F2: variants seen among roughly 807,000 people sequenced by gnomAD.
The protein encoded by F2 is prothrombin.
Under a neutral mutation model 81.9 loss-of-function variants are expected in F2, and 34 were observed. The observed-to-expected ratio is 0.42, with a 90% CI of 0.32 to 0.55. The LOEUF (loss-of-function observed/expected upper bound fraction) is 0.55, where lower values mean the gene tolerates loss of function less well. F2 is among the 20% of genes least tolerant of loss of function. F2 has a pLI of 0.18. For missense variants in F2, 630 were observed against 833.4 expected (o/e 0.76, Z 3.00); for synonymous variants, 296 against 326.4 (o/e 0.91, Z 1.01).
chr11:46,728,002 G>A lies in F2; in HGVS notation c.1137G>A (p.Val379=), dbSNP rs112119641. The A allele has an allele frequency of 1.2e-5, 19 of 1,609,776 alleles. No homozygotes were observed. Among genetic ancestry groups the A allele is most frequent in the African/African-American group, 1.1e-4 (8 of 74,930 alleles). Reference sequence around the variant, plus strand: ...TTCCTGCTGCCCCTCCCAGGCAGGTGATGCTTTTCCGGAAGAGTCCCCAGG... The same window carrying A: ...TTCCTGCTGCCCCTCCCAGGCAGGTAATGCTTTTCCGGAAGAGTCCCCAGG... The part of the protein sequence containing the change: ...DAEIGMSPWQ[V]MLFRKSPQEL... The change falls in exon 10 of 14, where the codon GTG becomes GTA. Residue 379 remains valine (V), a synonymous_variant. Transcript: ENST00000311907. The surrounding 1 kb of genome is among the most constrained non-coding windows in gnomAD (Gnocchi z 5.1).
At position 46,719,273 on chromosome 11, in the gene F2, T is replaced by C; in HGVS notation, c.38T>C (p.Leu13Pro). The C allele has an allele frequency of 6.2e-7, 1 of 1,613,700 alleles. No individual in the cohort carries two copies. ...CGAGGCTTGCAGCTGCCTGGCTGCC[T>C]GGCCCTGGCTGCCCTGTGTAGCCTT... ...HVRGLQLPGCLALAALCSLVH... is the reference protein window; with the variant it reads ...HVRGLQLPGCPALAALCSLVH... Residue 13 changes from leucine to proline, a missense_variant, in exon 1 of 14, where the codon CTG becomes CCG. Transcript: ENST00000311907. This position sits in a 1 kb window ranked among gnomAD's most constrained non-coding sequence, Gnocchi z 4.7.
chr11:46,727,770 C>A (rs1343453197), intron 9 of F2, among the ~76,000 whole-genome samples: 4 of 152,048 alleles, frequency 2.6e-5, no homozygotes, highest in African/African-American at 9.6e-5. Context: ...AAGAGTGAGA[C>A]CCTGTCTCAA....
intron 13 of F2, 38 bp from the exon 14 acceptor site, chr11:46,739,227 A>C: frequency 1.2e-6 from 2 of 1,613,708 alleles, no homozygotes; most frequent in Non-Finnish European, 1.7e-6. Flanking sequence ...TGTGACCTTG[A>C]ACTTGACTCT....
chr11:46,720,682 C>T, intron 3 of F2, 108 bp from the exon 4 acceptor site: 1 of 1,500,236 alleles, frequency 6.7e-7, no homozygotes, highest in Non-Finnish European at 9.3e-7. Flanking sequence ...TGGTCCCTCC[C>T]ATCTGTTCAT....
chr11:46,739,006 A>G (rs1319753791), intron 12 of F2, 42 bp from the exon 13 acceptor site: 1 of 1,607,870 alleles, frequency 6.2e-7, no homozygotes, highest in Non-Finnish European at 8.5e-7. Context: ...TGGCTGGGCT[A>G]TGAGCTATGC....
At chr11:46,733,815 G>A (rs944917961) in intron 12 of F2, among the ~76,000 whole-genome samples, 2 of 121,628 alleles carry the variant, frequency 1.6e-5, no homozygotes, top group Non-Finnish European at 3.2e-5. Flanking sequence ...TTGAGATGGA[G>A]TCTCCCTCTG....
chr11:46,719,797 G>T lies in F2; in HGVS notation c.175G>T (p.Glu59Ter). The T allele has an allele frequency of 6.3e-7, 1 of 1,595,168 alleles. No homozygotes were observed. The highest frequency in any genetic ancestry group is 8.5e-7 in the Non-Finnish European group (1 of 1,171,774). ...EEVRKGNLER[E>*]CVEETCSYEE... ...GGTGCGCAAGGGCAACCTGGAGCGA[G>T]AGTGCGTGGAGGAGACGTGCAGCTA... Residue 59 changes from glutamate to a stop codon, truncating the protein, a stop_gained, in exon 2 of 14, where the codon GAG becomes TAG. Coordinates refer to ENST00000311907, the MANE Select transcript of F2 (RefSeq NM_000506.5). LOFTEE classifies it high-confidence loss of function. This position sits in a 1 kb window ranked among gnomAD's most constrained non-coding sequence, Gnocchi z 4.7.
Position 46,737,963 on chromosome 11 carries a change from C to G in F2, c.1655-1085C>G, listed in dbSNP as rs180725012. On this transcript the variant is annotated intron_variant, in intron 12 of 13. Coordinates refer to ENST00000311907, the MANE Select transcript of F2 (RefSeq NM_000506.5). ...ATCCTCTTCTTGCTTCAGCCTCCCA[C>G]GTAGCTAGGATCAGAGGTACATGCC... Among the ~76,000 whole-genome samples, 5 of 151,790 alleles carry G rather than the reference C, an allele frequency of 3.3e-5. No individual in the cohort carries two copies. In the East Asian group the frequency reaches 9.7e-4, roughly 29 times the overall value.
At position 46,726,646 on chromosome 11, in the gene F2, A is replaced by AGGGGATGC. The variant is rs529938969; in HGVS notation, c.1003+25_1003+32dup. 8.1e-3 allele frequency: 13,066 copies of AGGGGATGC among 1,613,394 alleles called. 70 individuals carry two copies. The highest frequency in any genetic ancestry group is 0.01 in the Non-Finnish European group (11,912 of 1,179,332). On this transcript the variant is annotated intron_variant, in intron 8 of 13. Coordinates refer to ENST00000311907, the MANE Select transcript of F2 (RefSeq NM_000506.5). The surrounding 1 kb of genome is among the most constrained non-coding windows in gnomAD (Gnocchi z 5.9). The stretch of plus-strand genomic sequence containing the variant: ...AGGCAGGTGAGGTAGTGGGCATCCG[A>AGGGGATGC]GGGGATGCGGGGCTGCGGGGCTGGT...
chr11:46,726,090 A>G lies in F2; in HGVS notation c.791A>G (p.Asn264Ser), dbSNP rs766295603. ...AVQLVENFCRNPDGDEEGVWC... is the reference protein window; with the variant it reads ...AVQLVENFCRSPDGDEEGVWC... ...CAGCTGGTGGAGAACTTCTGCCGCAACCCAGACGGGGATGAGGAGGGCGTG... is the reference window on the plus strand; with the variant it reads ...CAGCTGGTGGAGAACTTCTGCCGCAGCCCAGACGGGGATGAGGAGGGCGTG... Residue 264 changes from asparagine to serine, a missense_variant, in exon 7 of 14, where the codon AAC becomes AGC. Coordinates refer to ENST00000311907, the MANE Select transcript of F2 (RefSeq NM_000506.5). This position sits in a 1 kb window ranked among gnomAD's most constrained non-coding sequence, Gnocchi z 5.9. 6.2e-7 allele frequency: 1 copy of G among 1,614,140 alleles called. No individual in the cohort carries two copies. Among genetic ancestry groups the G allele is most frequent in the African/African-American group, 1.3e-5 (1 of 75,032 alleles).
At position 46,723,396 on chromosome 11, in the gene F2, C is replaced by T. The variant is rs1414105952; in HGVS notation, c.437C>T (p.Thr146Ile). 1 of 1,614,070 alleles carries T rather than the reference C, an allele frequency of 6.2e-7. No individual in the cohort carries two copies. The highest frequency in any genetic ancestry group is 8.5e-7 in the Non-Finnish European group (1 of 1,179,996). ...TCCTGTTCCAGAATCAACTCCACTA[C>T]CCATCCTGGGGCCGACCTACAGGAG... Reference protein sequence around the residue: ...YPHKPEINSTTHPGADLQENF... With the variant: ...YPHKPEINSTIHPGADLQENF... Residue 146 changes from threonine (T) to isoleucine (I), a missense_variant, in exon 6 of 14, where the codon ACC (threonine) becomes ATC (isoleucine). Thr to Ile is a moderately conservative substitution (Grantham distance 89). Coordinates refer to ENST00000311907, the MANE Select transcript of F2 (RefSeq NM_000506.5). The surrounding 1 kb of genome is among the most constrained non-coding windows in gnomAD (Gnocchi z 5.6).
In F2 at chr11:46,728,569, G is replaced by A; in HGVS notation, c.1299-95G>A. 1 of 1,424,086 alleles carries A rather than the reference G, an allele frequency of 7.0e-7. No individual in the cohort carries two copies. The highest frequency in any genetic ancestry group is 9.9e-7 in the Non-Finnish European group (1 of 1,014,786). 88.2% of individuals were successfully genotyped at this position (1,424,086 alleles called of 1,614,324 possible). On this transcript the variant is annotated intron_variant, in intron 10 of 13. Transcript: ENST00000311907. This position sits in a 1 kb window ranked among gnomAD's most constrained non-coding sequence, Gnocchi z 5.1. ...CTATCCCCTCCCTGGTGGCCTGCAG[G>A]ACACACTGTCTCCCAGACCCCAAGG... is the stretch of plus-strand genomic sequence containing the variant.
chr11:46,727,751 C>T lies in F2; in HGVS notation c.1131-245C>T, dbSNP rs1346900201. ...TGTGACTGTACCATTGCACTCCAGC[C>T]TGGGTGACAAGAGTGAGACCCTGTC... On this transcript the variant is annotated intron_variant, in intron 9 of 13. Coordinates refer to ENST00000311907, the MANE Select transcript of F2 (RefSeq NM_000506.5). 3.9e-5 allele frequency among the ~76,000 whole-genome samples: 6 copies of T among 152,108 alleles called. No homozygotes were observed. The South Asian group carries it at 8.3e-4, about 21-fold the overall frequency.
At chr11:46,724,101 C>T (rs1310070969) in intron 6 of F2, among the ~76,000 whole-genome samples, 2 of 152,164 alleles carry the variant, frequency 1.3e-5, no homozygotes, top group African/African-American at 4.8e-5. Context: ...GGCACTCCTC[C>T]CTCCGGGAAG....
rs183912564 is a variant in F2 at position 46,732,345 on chromosome 11, C to G, written c.1654+2784C>G. 2.7e-3 allele frequency among the ~76,000 whole-genome samples: 413 copies of G among 152,142 alleles called. 3 individuals carry two copies. The highest frequency in any genetic ancestry group is 9.8e-3 in the African/African-American group (405 of 41,516). On this transcript the variant is annotated intron_variant, in intron 12 of 13. Coordinates refer to ENST00000311907, the MANE Select transcript of F2 (RefSeq NM_000506.5). ...CTTTATTGCTTTCCTTCCTTTCATT[C>G]TATCAGTGTGGACTTAAGGATCCTT... is the stretch of plus-strand genomic sequence containing the variant.
intron 13 of F2, 50 bp downstream of exon 13, chr11:46,739,168 G>A: frequency 6.2e-7 from 1 of 1,613,710 alleles, no homozygotes; most frequent in Admixed American, 1.7e-5. Context: ...TCTGGGGGTG[G>A]GGAGAAACTC....
chr11:46,734,935 A>T (rs547692617), intron 12 of F2, among the ~76,000 whole-genome samples: 1 of 152,174 alleles, frequency 6.6e-6, no homozygotes, highest in Non-Finnish European at 1.5e-5. Context: ...CCTGACTCAT[A>T]TGGAGTTTAT....
rs1389493862 is a variant in F2 at position 46,726,262 on chromosome 11, C to T, written c.874+89C>T. ...GCTTCTGCTTATCGAACGCTTACCTCATTGAGTGCGCTCATTACAGCCTTA... is the reference window on the plus strand; with the variant it reads ...GCTTCTGCTTATCGAACGCTTACCTTATTGAGTGCGCTCATTACAGCCTTA... On this transcript the variant is annotated intron_variant, in intron 7 of 13. Coordinates refer to ENST00000311907, the MANE Select transcript of F2 (RefSeq NM_000506.5). This position sits in a 1 kb window ranked among gnomAD's most constrained non-coding sequence, Gnocchi z 5.9. 3.4e-5 allele frequency: 52 copies of T among 1,539,916 alleles called. No individual in the cohort carries two copies. Among genetic ancestry groups the T allele is most frequent in the Non-Finnish European group, 4.1e-5 (46 of 1,132,840 alleles).
At chr11:46,732,836 C>G (rs2064921749) in intron 12 of F2, among the ~76,000 whole-genome samples, 1 of 152,122 alleles carries the variant, frequency 6.6e-6, no homozygotes, top group African/African-American at 2.4e-5. Context: ...CTTTCTGGCA[C>G]AGCAAAATGA....
Sources: gnomAD v4.1 joint callset for allele counts (sites outside exome capture counted in the v4.1 genomes callset) on GRCh38, gnomAD v4.1.1 for gene constraint, Gnocchi (gnomAD v3.1) non-coding constraint, MANE v1.5 for transcripts, NCBI Gene and HGNC (gene_info 2026-07-23, HGNC 2026-07-21) for gene names.